Variants in LAMA3 observed in about 807,000 individuals in gnomAD.
The protein encoded by LAMA3 is laminin subunit alpha 3, also known as laminin subunit alpha-3.
In LAMA3, 281 loss-of-function variants were observed where a neutral mutation model predicts 402.0. That is an observed-to-expected ratio of 0.70 (90% CI 0.63 to 0.77). LAMA3 has a LOEUF of 0.77. Ranked by LOEUF, LAMA3 falls within the 30% of genes least tolerant of loss-of-function variation. The pLI is 0.00. For synonymous variants in LAMA3, 1,431 were observed against 1,558.4 expected, an observed-to-expected ratio of 0.92 and a Z score of 1.93; for missense variants, 3,840 against 4,215.5, an observed-to-expected ratio of 0.91 and a Z score of 2.47.
chr18:23,811,977 G>A (rs918507857), intron 13 of LAMA3, among the ~76,000 whole-genome samples: 1 of 151,886 alleles, frequency 6.6e-6, no homozygotes. Context: ...GGGTTCAAGC[G>A]ATTCTCCTGC....
At chr18:23,794,929 C>A (rs886572366) in intron 12 of LAMA3, among the ~76,000 whole-genome samples, 6 of 152,166 alleles carry the variant, frequency 3.9e-5, no homozygotes, top group Admixed American at 1.3e-4. Flanking sequence ...TCACAAAAAA[C>A]CATATCTTTA....
chr18:23,693,283 C>T (rs770521831), intron 1 of LAMA3, among the ~76,000 whole-genome samples: 12 of 152,018 alleles, frequency 7.9e-5, no homozygotes, highest in African/African-American at 2.2e-4. Flanking sequence ...GCTGAGATCG[C>T]GCCATTGCAC....
chr18:23,777,419 C>T lies in LAMA3; in HGVS notation c.1406-138C>T, dbSNP rs532309254. The stretch of plus-strand genomic sequence containing the variant: ...AAACACATTTGAGATATAGCAATAT[C>T]GCCTTTCTTTAAATTAGTCTCTATA... On this transcript the variant is annotated intron_variant, in intron 10 of 74. Coordinates refer to ENST00000313654, the MANE Select transcript of LAMA3 (RefSeq NM_198129.4). The T allele has an allele frequency of 3.0e-4, 204 of 669,994 alleles. No individual in the cohort carries two copies. The East Asian group carries it at 5.2e-3, about 17-fold the overall frequency. 41.5% of individuals were successfully genotyped at this position (669,994 alleles called of 1,614,324 possible).
Position 23,950,131 on chromosome 18 carries a change from A to G in LAMA3, c.9614A>G (p.His3205Arg). The change falls in exon 72 of 75, where the codon CAC becomes CGC. Residue 3205 changes from histidine (H) to arginine (R), a missense_variant. By Grantham distance (29) the His-to-Arg change is conservative. Transcript: ENST00000313654. Reference sequence around the variant, plus strand: ...CACATCGGAAGTCAGCCCGGGAAGCACTTATGTGTTTACCTGGAGGCAGGA... The same window carrying G: ...CACATCGGAAGTCAGCCCGGGAAGCGCTTATGTGTTTACCTGGAGGCAGGA... ...LIHIGSQPGK[H>R]LCVYLEAGKV... 1 of 1,614,054 alleles carries G rather than the reference A, an allele frequency of 6.2e-7. No homozygotes were observed. The highest frequency in any genetic ancestry group is 8.5e-7 in the Non-Finnish European group (1 of 1,180,006).
intron 10 of LAMA3, 133 bp downstream of exon 10, chr18:23,776,056 A>G: frequency 1.1e-6 from 1 of 908,270 alleles, no homozygotes; most frequent in Non-Finnish European, 1.8e-6. Context: ...GTATTTATGT[A>G]AAAGTGTTTC....
intron 12 of LAMA3, among the ~76,000 whole-genome samples, chr18:23,810,130 A>G (rs1309657289): frequency 6.6e-6 from 1 of 152,238 alleles, no homozygotes; most frequent in African/African-American, 2.4e-5. Context: ...TATCTTATGC[A>G]ATCCTCACAA....
At chr18:23,801,581 G>A (rs2062867235) in intron 12 of LAMA3, among the ~76,000 whole-genome samples, 1 of 152,156 alleles carries the variant, frequency 6.6e-6, no homozygotes, top group African/African-American at 2.4e-5. Flanking sequence ...TGGCTAGATT[G>A]TATGGTAGTT....
chr18:23,953,483 A>G (rs1599195457), intron 74 of LAMA3, among the ~76,000 whole-genome samples: 1 of 152,120 alleles, frequency 6.6e-6, no homozygotes, highest in East Asian at 1.9e-4. Flanking sequence ...CTGGGACTAC[A>G]GGCACATGCC....
chr18:23,743,959 G>T (rs2061605675), intron 2 of LAMA3, among the ~76,000 whole-genome samples: 1 of 152,198 alleles, frequency 6.6e-6, no homozygotes, highest in South Asian at 2.1e-4. Context: ...GCACTCATGT[G>T]TGCTTTGAAG....
chr18:23,750,882 A>T (rs761457414), intron 4 of LAMA3, 36 bp from the exon 5 acceptor site: 1 of 1,612,418 alleles, frequency 6.2e-7, no homozygotes, highest in Non-Finnish European at 8.5e-7. Context: ...GATAAAAGGA[A>T]CTTTTTCCCC....
chr18:23,696,890 C>T (rs1352844068), intron 1 of LAMA3, among the ~76,000 whole-genome samples: 1 of 152,216 alleles, frequency 6.6e-6, no homozygotes, highest in East Asian at 1.9e-4. Context: ...CCTGCAGCAT[C>T]CTCATTTTCT....
chr18:23,760,108 T>C (rs12051926), intron 7 of LAMA3, among the ~76,000 whole-genome samples: 27,175 of 152,240 alleles, frequency 0.18, 3,423 homozygotes, highest in East Asian at 0.57. Flanking sequence ...TCCAGACTAA[T>C]GGAACCCTTT....
chr18:23,903,204 C>G, intron 49 of LAMA3, 79 bp downstream of exon 49: 1 of 906,110 alleles, frequency 1.1e-6, no homozygotes, highest in Non-Finnish European at 1.9e-6. Flanking sequence ...ATGGGCTGAC[C>G]TACTTTTTTG....
intron 2 of LAMA3, among the ~76,000 whole-genome samples, chr18:23,733,542 C>T (rs76321326): frequency 0.014 from 2,201 of 152,228 alleles, 48 homozygotes; most frequent in African/African-American, 0.05. Context: ...CCACCAGGTC[C>T]CTGCCATACA....
In LAMA3 at chr18:23,931,171, A is replaced by G. The variant is rs1203593780; in HGVS notation, c.8546A>G (p.His2849Arg). The change falls in exon 65 of 75, where the codon CAT becomes CGT. Residue 2849 changes from histidine to arginine, a missense_variant. Around this residue, in one of 3 missense-constraint regions of LAMA3, gnomAD observed 840 missense variants for 981.9 expected, o/e 0.86. Transcript: ENST00000313654. Reference protein sequence around the residue: ...SPQTYMDGLLHYVSVISDNSG... With the variant: ...SPQTYMDGLLRYVSVISDNSG... Reference sequence around the variant, plus strand: ...CAGACGTATATGGATGGTTTACTGCATTATGTATCTGTAATAAGCGACAAC... The same window carrying G: ...CAGACGTATATGGATGGTTTACTGCGTTATGTATCTGTAATAAGCGACAAC... 4.3e-6 allele frequency: 7 copies of G among 1,613,006 alleles called. No individual in the cohort carries two copies. The highest frequency in any genetic ancestry group is 5.1e-6 in the Non-Finnish European group (6 of 1,179,024).
chr18:23,784,630 T>TC (rs1245548352), intron 12 of LAMA3, among the ~76,000 whole-genome samples: 1 of 151,988 alleles, frequency 6.6e-6, no homozygotes, highest in Non-Finnish European at 1.5e-5. Context: ...AACCCCCTCC[T>TC]CCCCACTTGT....
intron 61 of LAMA3, 69 bp downstream of exon 61, chr18:23,921,123 C>A: frequency 6.7e-7 from 1 of 1,502,522 alleles, no homozygotes; most frequent in South Asian, 1.1e-5. Flanking sequence ...AGTCAGTGCC[C>A]CCAAATAAAT....
chr18:23,841,793 G>A (rs189267118), intron 27 of LAMA3, among the ~76,000 whole-genome samples: 321 of 152,170 alleles, frequency 2.1e-3, no homozygotes, highest in African/African-American at 7.3e-3. Flanking sequence ...ATGATGGCAC[G>A]TACTTGTAGT....
intron 64 of LAMA3, 59 bp from the exon 65 acceptor site, chr18:23,931,003 A>T (rs965650287): frequency 6.9e-7 from 1 of 1,449,148 alleles, no homozygotes; most frequent in Non-Finnish European, 9.7e-7. Flanking sequence ...TTCAGTAAAG[A>T]TACAGGCATA....
Sources: gnomAD v4.1 joint callset for allele counts (sites outside exome capture counted in the v4.1 genomes callset) on GRCh38, gnomAD v4.1.1 for gene constraint, gnomAD v4.1.1 regional missense constraint, MANE v1.5 for transcripts, NCBI Gene and HGNC (gene_info 2026-07-23, HGNC 2026-07-21) for gene names.